DAAM1: variants seen among roughly 807,000 people sequenced by gnomAD.
The protein encoded by DAAM1 is dishevelled associated activator of morphogenesis 1, also known as disheveled-associated activator of morphogenesis 1.
A neutral mutation model predicts 130.0 loss-of-function variants in DAAM1; 52 were observed. The ratio of observed to expected loss-of-function variants is 0.40; its 90% CI spans 0.32 to 0.50. The LOEUF (loss-of-function observed/expected upper bound fraction) is 0.50. Among genes scored for constraint, DAAM1 ranks in the 20% least tolerant of loss-of-function variants. The probability of loss-of-function intolerance (pLI) is 0.61; values close to 1 mark genes in which losing one functional copy is unlikely to be tolerated. For synonymous variants in DAAM1, 452 were observed against 444.5 expected (o/e 1.02, Z -0.21); for missense variants, 1,134 against 1,303.8 (o/e 0.87, Z 2.01).
chr14:59,325,682 A>G lies in DAAM1; in HGVS notation c.1008A>G (p.Glu336=). ...STLDRHLDFF[E]MLRNEDELEF... Reference sequence around the variant, plus strand: ...TTTTCAGGCATTTAGACTTTTTTGAAATGCTCCGAAATGAAGATGAACTAG... The same window carrying G: ...TTTTCAGGCATTTAGACTTTTTTGAGATGCTCCGAAATGAAGATGAACTAG... The change falls in exon 9 of 25, where the codon GAA becomes GAG. Residue 336 remains glutamate, a synonymous_variant. Coordinates refer to ENST00000360909, the MANE Select transcript of DAAM1 (RefSeq NM_001270520.2). 6.2e-7 allele frequency: 1 copy of G among 1,613,938 alleles called. No individual in the cohort carries two copies. Among genetic ancestry groups the G allele is most frequent in the Non-Finnish European group, 8.5e-7 (1 of 1,179,970 alleles).
Position 59,340,143 on chromosome 14 carries a change from G to A in DAAM1, c.2038G>A (p.Gly680Ser), listed in dbSNP as rs756922163. ...AGTTAAAGAGCTTTCGGTGATTGATGGTCGGAGAGCTCAGAATTGCAACAT... is the reference window on the plus strand; with the variant it reads ...AGTTAAAGAGCTTTCGGTGATTGATAGTCGGAGAGCTCAGAATTGCAACAT... ...LKVKELSVID[G>S]RRAQNCNILL... Residue 680 changes from glycine to serine, a missense_variant, in exon 16 of 25, where the codon GGT (glycine) becomes AGT (serine). Coordinates refer to ENST00000360909, the MANE Select transcript of DAAM1 (RefSeq NM_001270520.2). 1 of 1,613,510 alleles carries A rather than the reference G, an allele frequency of 6.2e-7. No individual in the cohort carries two copies. Among genetic ancestry groups the A allele is most frequent in the Non-Finnish European group, 8.5e-7 (1 of 1,179,618 alleles).
At chr14:59,288,743 G>T (rs984599718) in intron 2 of DAAM1, among the ~76,000 whole-genome samples, 3 of 151,842 alleles carry the variant, frequency 2.0e-5, no homozygotes, top group African/African-American at 7.3e-5. Context: ...TCACAATTCT[G>T]CAGGCTTAAC....
At chr14:59,314,710 C>T (rs1884719332) in intron 3 of DAAM1, among the ~76,000 whole-genome samples, 1 of 152,172 alleles carries the variant, frequency 6.6e-6, no homozygotes, top group South Asian at 2.1e-4. Flanking sequence ...GAGGGCTGCG[C>T]CTGGAACTAA....
chr14:59,348,213 A>C (rs540089677), intron 17 of DAAM1, among the ~76,000 whole-genome samples: 1 of 152,332 alleles, frequency 6.6e-6, no homozygotes, highest in African/African-American at 2.4e-5. Flanking sequence ...AGGGGTAGCA[A>C]GAATGGGATT....
intron 1 of DAAM1, among the ~76,000 whole-genome samples, chr14:59,246,596 T>C (rs538520759): frequency 6.6e-6 from 1 of 152,284 alleles, no homozygotes; most frequent in Admixed American, 6.5e-5. Context: ...GCATGCAGAA[T>C]TATATTATTA....
At chr14:59,263,030 T>C (rs1882248531) in intron 1 of DAAM1, among the ~76,000 whole-genome samples, 1 of 152,140 alleles carries the variant, frequency 6.6e-6, no homozygotes, top group Non-Finnish European at 1.5e-5. Flanking sequence ...TTTAAATCAG[T>C]CTGGAATCAG....
At chr14:59,319,368 G>GT (rs1483168644) in intron 4 of DAAM1, among the ~76,000 whole-genome samples, 1 of 152,054 alleles carries the variant, frequency 6.6e-6, no homozygotes, top group Non-Finnish European at 1.5e-5. Flanking sequence ...TTAGCTTTTA[G>GT]TTAACATTAG....
chr14:59,325,897 CT>C, intron 9 of DAAM1, 62 bp from the exon 10 acceptor site: 1 of 1,563,620 alleles, frequency 6.4e-7, no homozygotes, highest in Non-Finnish European at 8.8e-7. Context: ...TTTGAGTTTA[CT>C]TTACACTGGG....
chr14:59,189,923 G>A (rs757180843), intron 1 of DAAM1, among the ~76,000 whole-genome samples: 8 of 152,112 alleles, frequency 5.3e-5, no homozygotes, highest in Non-Finnish European at 1.2e-4. Flanking sequence ...CCACTTTCTG[G>A]AGAGCATCAA....
At chr14:59,218,070 C>G (rs975728474) in intron 1 of DAAM1, among the ~76,000 whole-genome samples, 1 of 151,944 alleles carries the variant, frequency 6.6e-6, no homozygotes, top group African/African-American at 2.4e-5. Context: ...GAGTTGGAGG[C>G]TGCAGTGAAC....
intron 1 of DAAM1, among the ~76,000 whole-genome samples, chr14:59,201,883 C>G (rs1039780726): frequency 6.6e-6 from 1 of 151,942 alleles, no homozygotes; most frequent in Admixed American, 6.6e-5. Context: ...AAGGAAGGGT[C>G]TTTTACCTGT....
chr14:59,235,602 T>G (rs1486362174), intron 1 of DAAM1, among the ~76,000 whole-genome samples: 1 of 152,194 alleles, frequency 6.6e-6, no homozygotes. Context: ...CCTGGATTCA[T>G]TGATTTTTTT....
chr14:59,335,389 T>C (rs1464741413), intron 15 of DAAM1, among the ~76,000 whole-genome samples: 1 of 152,214 alleles, frequency 6.6e-6, no homozygotes, highest in African/African-American at 2.4e-5. Flanking sequence ...CTTTTTCTCA[T>C]TGAAACTACA....
rs574579082 is a variant in DAAM1 at position 59,235,300 on chromosome 14, A to C, written c.-37-28141A>C. On this transcript the variant is annotated intron_variant, in intron 1 of 24. Transcript: ENST00000360909. Reference sequence around the variant, plus strand: ...AGCTTTTTTTGGTTGGTAGGCTATTAATTACTACCTCAATTTCAGAACTTG... The same window carrying C: ...AGCTTTTTTTGGTTGGTAGGCTATTCATTACTACCTCAATTTCAGAACTTG... Among the ~76,000 whole-genome samples, 6 of 152,250 alleles carry C rather than the reference A, an allele frequency of 3.9e-5. No individual in the cohort carries two copies. The South Asian group carries it at 1.2e-3, about 32-fold the overall frequency.
chr14:59,251,430 G>A (rs1398786385), intron 1 of DAAM1, among the ~76,000 whole-genome samples: 2 of 144,550 alleles, frequency 1.4e-5, no homozygotes, highest in African/African-American at 4.9e-5. Context: ...CTTTCACTCC[G>A]CCGTGTTTTT....
intron 1 of DAAM1, among the ~76,000 whole-genome samples, chr14:59,207,733 A>G (rs1476447040): frequency 6.6e-6 from 1 of 152,164 alleles, no homozygotes; most frequent in African/African-American, 2.4e-5. Context: ...TATTTTGAGA[A>G]CCACTGGCCT....
At chr14:59,228,091 T>C (rs1888995521) in intron 1 of DAAM1, among the ~76,000 whole-genome samples, 1 of 152,244 alleles carries the variant, frequency 6.6e-6, no homozygotes, top group Admixed American at 6.5e-5. Context: ...CAAGTTGTTT[T>C]TTCTTACCAC....
At position 59,196,412 on chromosome 14, in the gene DAAM1, G is replaced by T. The variant is rs560230643; in HGVS notation, c.-38+7644G>T. On this transcript the variant is annotated intron_variant, in intron 1 of 24. Coordinates refer to ENST00000360909, the MANE Select transcript of DAAM1 (RefSeq NM_001270520.2). The stretch of plus-strand genomic sequence containing the variant: ...TTCTGTAACAAGAGGTTTAGACCAG[G>T]GACCCTTCTAAATCCCCAGAATGTA... Among the ~76,000 whole-genome samples the T allele has an allele frequency of 1.9e-3, 287 of 152,252 alleles. 1 individual carries two copies. Among genetic ancestry groups the T allele is most frequent in the African/African-American group, 6.4e-3 (267 of 41,546 alleles).
intron 20 of DAAM1, chr14:59,357,296 C>T (rs1001131650): frequency 3.3e-5 from 5 of 151,876 alleles, no homozygotes; most frequent in Admixed American, 6.6e-5. Flanking sequence ...CTTGTGATGG[C>T]GGCTGGCATT....
Sources: allele counts gnomAD v4.1 joint callset (sites outside exome capture counted in the v4.1 genomes callset), GRCh38; gene constraint gnomAD v4.1.1; transcripts MANE v1.5; gene names NCBI Gene and HGNC (gene_info 2026-07-23, HGNC 2026-07-21).